The following SAE1 variants were observed in gnomAD, a reference collection of about 807,000 sequenced individuals.
The protein encoded by SAE1 is SUMO1 activating enzyme subunit 1, also known as SUMO-activating enzyme subunit 1.
A neutral mutation model predicts 40.6 loss-of-function variants in SAE1; 11 were observed. The observed-to-expected ratio is 0.27, with a 90% confidence interval of 0.17 to 0.45. SAE1 has a LOEUF of 0.45. Among genes scored for constraint, SAE1 ranks in the 20% least tolerant of loss-of-function variants. The pLI, the probability that SAE1 is intolerant of heterozygous loss-of-function variation, is 1.00. For synonymous variants in SAE1, 155 were observed against 154.3 expected (o/e 1.00, Z -0.03); for missense variants, 373 against 427.3 (o/e 0.87, Z 1.12).
rs377698907 is a variant in SAE1, at chr19:47,167,207, G to A, written c.628-2611G>A. ...GACCTCTAGTGATCCACCCGCCTTG[G>A]CCTCCCAAAATGCTAGGATTACAGG... On this transcript the variant is annotated intron_variant, in intron 5 of 8. Transcript: ENST00000270225. Among the ~76,000 whole-genome samples the A allele has an allele frequency of 2.6e-5, 4 of 152,014 alleles. No individual in the cohort carries two copies. The East Asian group carries it at 7.7e-4, about 29-fold the overall frequency.
At chr19:47,203,486 C>T (rs573978276) in intron 7 of SAE1, among the ~76,000 whole-genome samples, 185 bp from the exon 8 acceptor site, 2 of 152,318 alleles carry the variant, frequency 1.3e-5, no homozygotes, top group South Asian at 2.1e-4. Flanking sequence ...TTTCCAACCA[C>T]TTATGAATCC....
At chr19:47,149,853 G>A (rs914884193) in intron 2 of SAE1, among the ~76,000 whole-genome samples, 13 of 152,146 alleles carry the variant, frequency 8.5e-5, no homozygotes, top group East Asian at 1.9e-4. Context: ...TGAGGCAGGC[G>A]GATCACGAGG....
At chr19:47,148,314 G>A (rs1306619766) in intron 2 of SAE1, among the ~76,000 whole-genome samples, 2 of 152,022 alleles carry the variant, frequency 1.3e-5, no homozygotes, top group African/African-American at 4.8e-5. Flanking sequence ...TTTCTTGGAG[G>A]AGAAGGTAGT....
intron 1 of SAE1, chr19:47,142,575 C>A (rs2058228733): frequency 6.6e-6 from 1 of 152,162 alleles, no homozygotes; most frequent in Non-Finnish European, 1.5e-5. Context: ...GGCTTTCCAT[C>A]ATGCCTCGAA....
At chr19:47,150,140 C>T (rs910243107) in intron 2 of SAE1, 62 bp from the exon 3 acceptor site, 13 of 973,356 alleles carry the variant, frequency 1.3e-5, no homozygotes, top group Non-Finnish European at 5.6e-6. Flanking sequence ...TTTAAAGATT[C>T]TTTTTAAGAT....
chr19:47,155,767 G>A (rs1340502152), intron 5 of SAE1, among the ~76,000 whole-genome samples: 1 of 88,240 alleles, frequency 1.1e-5, no homozygotes, highest in Non-Finnish European at 2.1e-5. Context: ...TTTTTTTTTT[G>A]AGATGGAGTC....
chr19:47,136,959 T>C (rs1185686766), intron 1 of SAE1, among the ~76,000 whole-genome samples: 3 of 152,178 alleles, frequency 2.0e-5, no homozygotes, highest in Non-Finnish European at 4.4e-5. Context: ...CTGGAGTTCC[T>C]TTATGAAACA....
Position 47,206,455 on chromosome 19 carries a change from C to T in SAE1, c.949-2704C>T, listed in dbSNP as rs1247917502. On this transcript the variant is annotated intron_variant, in intron 8 of 8. Transcript: ENST00000270225. ...AGCTTACACTAGGAGATGGGTCAAG[C>T]GCAAGTCTGCTCCTTTGGAATCATC... 2.6e-5 allele frequency among the ~76,000 whole-genome samples: 4 copies of T among 152,210 alleles called. No individual in the cohort carries two copies. In the East Asian group the frequency reaches 5.8e-4, roughly 22 times the overall value.
chr19:47,203,826 T>C (rs1270519732), intron 8 of SAE1, 86 bp downstream of exon 8: 7 of 1,203,162 alleles, frequency 5.8e-6, no homozygotes, highest in Non-Finnish European at 8.6e-6. Flanking sequence ...CTTAGACAGC[T>C]GCCTGCTTTC....
intron 5 of SAE1, among the ~76,000 whole-genome samples, chr19:47,155,524 G>C (rs2058317081): frequency 6.6e-6 from 1 of 151,942 alleles, no homozygotes. Flanking sequence ...GCAATGGCAT[G>C]ATCTCGGCTC....
intron 6 of SAE1, among the ~76,000 whole-genome samples, chr19:47,196,762 A>G (rs2058619075): frequency 6.6e-6 from 1 of 151,992 alleles, no homozygotes; most frequent in Non-Finnish European, 1.5e-5. Context: ...TTCCTCGGGG[A>G]AGCCTTCCTG....
At chr19:47,195,129 A>C (rs2123306540) in intron 6 of SAE1, among the ~76,000 whole-genome samples, 1 of 146,070 alleles carries the variant, frequency 6.8e-6, no homozygotes, top group South Asian at 2.2e-4. Context: ...ATCTCGGCTC[A>C]CTGCAACCTC....
At chr19:47,198,238 T>C (rs2058628884) in intron 7 of SAE1, among the ~76,000 whole-genome samples, 2 of 152,124 alleles carry the variant, frequency 1.3e-5, no homozygotes, top group African/African-American at 4.8e-5. Context: ...GCCTTTTGAG[T>C]AGCTGGGATT....
At chr19:47,197,407 C>T (rs1213169403) in intron 7 of SAE1, 30 bp downstream of exon 7, 3 of 1,585,712 alleles carry the variant, frequency 1.9e-6, no homozygotes, top group East Asian at 4.5e-5. Flanking sequence ...ACTGTTTAGT[C>T]TGGACAGATA....
At position 47,209,595 on chromosome 19, in the gene SAE1, G is replaced by C; in HGVS notation, c.*344G>C. ...TCGCCAGCCCTCTGGGGCATTGTGG[G>C]AGATGCCTGCCAGGAATGAGCAAGC... is the stretch of plus-strand genomic sequence containing the variant. On this transcript the variant is annotated 3_prime_UTR_variant, in exon 9 of 9. Coordinates refer to ENST00000270225, the MANE Select transcript of SAE1 (RefSeq NM_005500.3). 2 of 347,180 alleles carry C rather than the reference G, an allele frequency of 5.8e-6. No individual in the cohort carries two copies. Among genetic ancestry groups the C allele is most frequent in the African/African-American group, 2.1e-5 (1 of 47,710 alleles). 21.5% of individuals were successfully genotyped at this position (347,180 alleles called of 1,614,324 possible). A position where few individuals can be genotyped will look rare whatever the true frequency, so the allele number is the denominator to read the frequency against.
rs188406447 is a variant in SAE1 at position 47,141,121 on chromosome 19, T to C, written c.99-2373T>C. ...GGTTTGAGTGATTCTCCTGCCTCAC[T>C]GTCCCGAGTAACTGGGACTACAGGC... is the stretch of plus-strand genomic sequence containing the variant. On this transcript the variant is annotated intron_variant, in intron 1 of 8. Coordinates refer to ENST00000270225, the MANE Select transcript of SAE1 (RefSeq NM_005500.3). 3.5e-3 allele frequency among the ~76,000 whole-genome samples: 537 copies of C among 152,170 alleles called. 4 individuals are homozygous for C. Among genetic ancestry groups the C allele is most frequent in the African/African-American group, 0.011 (454 of 41,526 alleles).
At chr19:47,208,384 C>T (rs1000459328) in intron 8 of SAE1, among the ~76,000 whole-genome samples, 7 of 152,116 alleles carry the variant, frequency 4.6e-5, no homozygotes, top group African/African-American at 1.7e-4. Flanking sequence ...CTCAGCCTCC[C>T]GAGTAGCTGG....
chr19:47,143,625 T>G lies in SAE1; in HGVS notation c.210+20T>G. The G allele has an allele frequency of 1.2e-5, 18 of 1,530,530 alleles. No individual in the cohort carries two copies. The highest frequency in any genetic ancestry group is 1.5e-5 in the Non-Finnish European group (17 of 1,104,034). 94.8% of individuals were successfully genotyped at this position (1,530,530 alleles called of 1,614,324 possible). A position where few individuals can be genotyped will look rare whatever the true frequency, so the allele number is the denominator to read the frequency against. On this transcript the variant is annotated intron_variant, in intron 2 of 8. Coordinates refer to ENST00000270225, the MANE Select transcript of SAE1 (RefSeq NM_005500.3). ...GAACAGGTGCGCTGTTGTGAGCTCATTCCTCCCCTGCTCTGGCTCCCCTTT... is the reference window on the plus strand; with the variant it reads ...GAACAGGTGCGCTGTTGTGAGCTCAGTCCTCCCCTGCTCTGGCTCCCCTTT...
intron 8 of SAE1, among the ~76,000 whole-genome samples, chr19:47,205,686 T>C (rs768647909): frequency 4.1e-4 from 63 of 152,278 alleles, no homozygotes; most frequent in Admixed American, 1.6e-3. Flanking sequence ...CCACCAATAA[T>C]AGACAAGACT....
Sources: gnomAD v4.1 joint callset for allele counts (sites outside exome capture counted in the v4.1 genomes callset) on GRCh38, gnomAD v4.1.1 for gene constraint, MANE v1.5 for transcripts, NCBI Gene and HGNC (gene_info 2026-07-23, HGNC 2026-07-21) for gene names.